Variants in TTC39C observed in about 807,000 individuals in gnomAD.
The protein encoded by TTC39C is tetratricopeptide repeat protein 39C.
TTC39C carries 33 observed loss-of-function variants against 76.3 expected under a neutral mutation model. The observed-to-expected ratio is 0.43, with a 90% CI of 0.33 to 0.58. TTC39C has a LOEUF of 0.58. TTC39C is among the 20% of genes least tolerant of loss of function. The pLI is 0.04. For missense variants in TTC39C, 595 were observed against 701.4 expected (o/e 0.85, Z 1.71); for synonymous variants, 254 against 260.6 (o/e 0.97, Z 0.24).
chr18:24,023,973 TATATATACATATATATATATATATATA>T (rs1568408921), intron 1 of TTC39C, among the ~76,000 whole-genome samples: 21 of 17,136 alleles, frequency 1.2e-3, no homozygotes, highest in African/African-American at 3.2e-3. Flanking sequence ...TATATATATA[TATATATACATATATATATATATATATA>T]TATATATATA....
In TTC39C at chr18:24,082,948, C is replaced by A; in HGVS notation, c.851C>A (p.Pro284Gln). The A allele has an allele frequency of 6.2e-7, 1 of 1,613,838 alleles. No homozygotes were observed. Among genetic ancestry groups the A allele is most frequent in the Non-Finnish European group, 8.5e-7 (1 of 1,179,826 alleles). The change falls in exon 6 of 14, where the codon CCG becomes CAG. Residue 284 changes from proline to glutamine, a missense_variant. Coordinates refer to ENST00000317571, the MANE Select transcript of TTC39C (RefSeq NM_001135993.2). ...CTCTGGTATCATACTGTAGTCCGCC[C>A]GTTTTTTGCCTTGGATGGCAGTGAT... ...ALLWYHTVVRPFFALDGSDNK... is the reference protein window; with the variant it reads ...ALLWYHTVVRQFFALDGSDNK...
chr18:24,090,321 A>C (rs1410080915), intron 6 of TTC39C, among the ~76,000 whole-genome samples: 2 of 152,194 alleles, frequency 1.3e-5, no homozygotes, highest in African/African-American at 4.8e-5. Context: ...AATGATGAGA[A>C]ATTCTCAAGA....
intron 6 of TTC39C, among the ~76,000 whole-genome samples, chr18:24,084,408 C>T (rs527470335): frequency 6.6e-6 from 1 of 152,228 alleles, no homozygotes; most frequent in East Asian, 1.9e-4. Flanking sequence ...TCGCTTGAAC[C>T]TGGGAGGCAG....
chr18:24,013,330 GGAGTGGC>G (rs2083408840), upstream of TTC39C, among the ~76,000 whole-genome samples: 3 of 152,110 alleles, frequency 2.0e-5, no homozygotes, highest in Admixed American at 6.5e-5. Context: ...TGACACTTAA[GGAGTGGC>G]AGTAATTCTT....
At chr18:24,021,454 G>C (rs2083516641) in intron 1 of TTC39C, among the ~76,000 whole-genome samples, 1 of 151,892 alleles carries the variant, frequency 6.6e-6, no homozygotes, top group South Asian at 2.1e-4. Flanking sequence ...AATTATTCAT[G>C]CATTTGCTGT....
chr18:24,109,283 A>C (rs1017909729), intron 6 of TTC39C, among the ~76,000 whole-genome samples: 3 of 151,946 alleles, frequency 2.0e-5, no homozygotes, highest in Non-Finnish European at 4.4e-5. Context: ...TTGAGCCCAG[A>C]AGTTCAAGGC....
chr18:24,087,361 A>C (rs779250763), intron 6 of TTC39C, among the ~76,000 whole-genome samples: 12 of 152,054 alleles, frequency 7.9e-5, no homozygotes, highest in Non-Finnish European at 1.5e-4. Context: ...TTTCTCTTTC[A>C]GCTTTAACAA....
chr18:24,000,856 C>A (rs1433219411), intron 1 of TTC39C, among the ~76,000 whole-genome samples: 1 of 152,138 alleles, frequency 6.6e-6, no homozygotes, highest in Non-Finnish European at 1.5e-5. Flanking sequence ...CTGGTTATCC[C>A]AGTAATCTCG....
At position 24,132,522 on chromosome 18, in the gene TTC39C, A is replaced by T; in HGVS notation, c.1700A>T (p.His567Leu). The T allele has an allele frequency of 6.2e-7, 1 of 1,614,142 alleles. No individual in the cohort carries two copies. The highest frequency in any genetic ancestry group is 8.5e-7 in the Non-Finnish European group (1 of 1,180,010). ...GGCTACGACTTTGAAAACAGATTGC[A>T]TGTCCGCATCCATGCTGCTCTGGCC... ...FSGYDFENRL[H>L]VRIHAALASL... The change falls in exon 14 of 14, where the codon CAT (histidine) becomes CTT (leucine). Residue 567 changes from histidine to leucine, a missense_variant. By Grantham distance (99) the His-to-Leu change is moderately conservative. Coordinates refer to ENST00000317571, the MANE Select transcript of TTC39C (RefSeq NM_001135993.2).
At chr18:24,058,664 G>C (rs2084049233) in intron 1 of TTC39C, among the ~76,000 whole-genome samples, 1 of 151,866 alleles carries the variant, frequency 6.6e-6, no homozygotes, top group Non-Finnish European at 1.5e-5. Context: ...AAAATCATTA[G>C]AATAAATAAT....
rs139060980 is a variant in TTC39C at position 24,108,972 on chromosome 18, A to G, written c.985-5582A>G. ...ACAATATTGTGGATTATTTCCCACCACTATTAACAGGTGACACTTATTTTT... is the reference window on the plus strand; with the variant it reads ...ACAATATTGTGGATTATTTCCCACCGCTATTAACAGGTGACACTTATTTTT... On this transcript the variant is annotated intron_variant, in intron 6 of 13. Transcript: ENST00000317571. Among the ~76,000 whole-genome samples the G allele has an allele frequency of 5.5e-3, 836 of 152,234 alleles. 9 individuals carry two copies. Among genetic ancestry groups the G allele is most frequent in the African/African-American group, 0.019 (804 of 41,518 alleles).
In TTC39C at chr18:24,132,934, T is replaced by A. The variant is rs1433699165; in HGVS notation, c.*360T>A. 2 of 175,156 alleles carry A rather than the reference T, an allele frequency of 1.1e-5. No homozygotes were observed. Among genetic ancestry groups the A allele is most frequent in the African/African-American group, 2.4e-5 (1 of 42,418 alleles). The allele number at this position is 175,156 out of a possible 1,614,324, so 10.9% of individuals were successfully genotyped here. A position where few individuals can be genotyped will look rare whatever the true frequency, so the allele number is the denominator to read the frequency against. ...TACCTTAAGCACATATCTGAATGGG[T>A]AACATGATGAGGTACCTGTAAAATT... On this transcript the variant is annotated 3_prime_UTR_variant, in exon 14 of 14. Transcript: ENST00000317571.
intron 6 of TTC39C, among the ~76,000 whole-genome samples, chr18:24,090,641 AG>A (rs2084504923): frequency 6.6e-6 from 1 of 151,922 alleles, no homozygotes. Context: ...AATAATATTG[AG>A]AAAGAAGGAA....
At chr18:24,125,081 G>T (rs944655291) in intron 9 of TTC39C, among the ~76,000 whole-genome samples, 1 of 152,054 alleles carries the variant, frequency 6.6e-6, no homozygotes, top group African/African-American at 2.4e-5. Flanking sequence ...TAGTAGAGAC[G>T]GGGTTTCTCC....
chr18:24,016,430 C>G (rs1455587830), intron 1 of TTC39C, among the ~76,000 whole-genome samples: 2 of 152,138 alleles, frequency 1.3e-5, no homozygotes, highest in Non-Finnish European at 2.9e-5. Context: ...CTTTTTTAGA[C>G]TACCAGTTTG....
At chr18:24,117,724 A>G (rs78587791) in intron 7 of TTC39C, among the ~76,000 whole-genome samples, 1 of 152,036 alleles carries the variant, frequency 6.6e-6, no homozygotes, top group African/African-American at 2.4e-5. Flanking sequence ...AAAAAAAAAA[A>G]AAGAATGAGT....
chr18:24,091,235 T>C (rs1349751354), intron 6 of TTC39C, among the ~76,000 whole-genome samples: 3 of 152,234 alleles, frequency 2.0e-5, no homozygotes, highest in African/African-American at 7.2e-5. Context: ...GGCAGATTGC[T>C]TGAGCTCACA....
At chr18:24,099,126 G>T (rs1372592532) in intron 6 of TTC39C, 1 of 149,930 alleles carries the variant, frequency 6.7e-6, no homozygotes, top group Admixed American at 6.7e-5. Context: ...GTGTGTGTGT[G>T]TGTGTGTGTG....
At chr18:23,997,098 G>C (rs2083267611) in intron 1 of TTC39C, among the ~76,000 whole-genome samples, 1 of 151,956 alleles carries the variant, frequency 6.6e-6, no homozygotes, top group Admixed American at 6.6e-5. Context: ...GACAGAGTGA[G>C]ACTCCATCTC....
Sources: allele counts gnomAD v4.1 joint callset (sites outside exome capture counted in the v4.1 genomes callset), GRCh38; gene constraint gnomAD v4.1.1; transcripts MANE v1.5; gene names NCBI Gene and HGNC (gene_info 2026-07-23, HGNC 2026-07-21).